SLC26A11: variants seen among roughly 807,000 people sequenced by gnomAD.
The protein encoded by SLC26A11 is sodium-independent sulfate anion transporter.
SLC26A11 carries 58 observed loss-of-function variants against 62.2 expected under a neutral mutation model. The observed-to-expected ratio is 0.93, with a 90% CI of 0.76 to 1.16. The LOEUF is 1.16. Among genes scored for constraint, SLC26A11 ranks in the 50% most tolerant of loss-of-function variants. The pLI, the probability that SLC26A11 is intolerant of heterozygous loss-of-function variation, is 0.00. For missense variants in SLC26A11, 790 were observed against 794.3 expected (o/e 0.99, Z 0.06); for synonymous variants, 411 against 368.9 (o/e 1.11, Z -1.31).
intron 7 of SLC26A11, 151 bp from the exon 8 acceptor site, chr17:80,236,777 T>G: frequency 1.3e-6 from 1 of 781,484 alleles, no homozygotes; most frequent in Non-Finnish European, 2.1e-6. Context: ...TTTATGTCTG[T>G]GTTGTGTTTC....
intron 7 of SLC26A11, among the ~76,000 whole-genome samples, chr17:80,232,576 T>G (rs1401590731): frequency 1.3e-5 from 2 of 152,200 alleles, no homozygotes; most frequent in African/African-American, 4.8e-5. Context: ...TTAATTGATT[T>G]GTGTTCTTGT....
At position 80,241,802 on chromosome 17, in the gene SLC26A11, C is replaced by T; in HGVS notation, c.1017C>T (p.Asn339=). 1 of 1,614,160 alleles carries T rather than the reference C, an allele frequency of 6.2e-7. No individual in the cohort carries two copies. Among genetic ancestry groups the T allele is most frequent in the Non-Finnish European group, 8.5e-7 (1 of 1,180,014 alleles). ...AGAATAATTACCGCATCGATGCCAA[C>T]CAGGAGCTGCTGGCCATCGGTAAGA... The part of the protein sequence containing the change: ...ASQNNYRIDA[N]QELLAIGLTN... The change falls in exon 10 of 18, where the codon AAC becomes AAT. Residue 339 remains asparagine, a synonymous_variant. Coordinates refer to ENST00000361193, the MANE Select transcript of SLC26A11 (RefSeq NM_001166347.2).
At chr17:80,229,493 G>A (rs761085776) in intron 7 of SLC26A11, among the ~76,000 whole-genome samples, 2 of 151,966 alleles carry the variant, frequency 1.3e-5, no homozygotes, top group Admixed American at 1.3e-4. Context: ...GTGCACTGGC[G>A]TGATCTTGGC....
rs1310320368 is a variant in SLC26A11, at chr17:80,221,056, G to A, written c.-73G>A. 6.5e-6 allele frequency: 1 copy of A among 153,236 alleles called. No individual in the cohort carries two copies. Among genetic ancestry groups the A allele is most frequent in the South Asian group, 2.0e-4 (1 of 4,908 alleles). 9.5% of individuals were successfully genotyped at this position (153,236 alleles called of 1,614,324 possible). A position where few individuals can be genotyped will look rare whatever the true frequency, so the allele number is the denominator to read the frequency against. ...TGGAGCCCGCCTTGGTGCGCAGTTG[G>A]AAAACCTCGGAGCCCCGCTGGATCT... On this transcript the variant is annotated 5_prime_UTR_variant, in exon 2 of 18. Transcript: ENST00000361193.
intron 5 of SLC26A11, among the ~76,000 whole-genome samples, chr17:80,225,164 A>AC (rs955820651): frequency 1.3e-5 from 2 of 150,578 alleles, no homozygotes; most frequent in African/African-American, 4.9e-5. Context: ...AGCAAGCAAG[A>AC]CCCCCACCCC....
At position 80,221,634 on chromosome 17, in the gene SLC26A11, G is replaced by T; in HGVS notation, c.74G>T (p.Cys25Phe). The change falls in exon 3 of 18, where the codon TGC becomes TTC. Residue 25 changes from cysteine to phenylalanine, a missense_variant. By Grantham distance (205) the Cys-to-Phe change is radical. Coordinates refer to ENST00000361193, the MANE Select transcript of SLC26A11 (RefSeq NM_001166347.2). ...GGGATGGCCCCGAGCGCCTGCTGCT[G>T]CTCCCCTGCGGCCCTGCAGAGGAGG... ...GPGMAPSACC[C>F]SPAALQRRLP... 6.2e-7 allele frequency: 1 copy of T among 1,611,430 alleles called. No individual in the cohort carries two copies. Among genetic ancestry groups the T allele is most frequent in the Non-Finnish European group, 8.5e-7 (1 of 1,179,850 alleles).
At chr17:80,225,257 G>C (rs953247174) in intron 5 of SLC26A11, among the ~76,000 whole-genome samples, 10 of 152,202 alleles carry the variant, frequency 6.6e-5, no homozygotes, top group African/African-American at 2.4e-4. Context: ...GGACCTCAGA[G>C]CTGGTATCGT....
chr17:80,225,941 C>G (rs761245490), intron 6 of SLC26A11, 25 bp downstream of exon 6: 1 of 1,606,640 alleles, frequency 6.2e-7, no homozygotes, highest in Admixed American at 1.7e-5. Context: ...GTTCCTCCCT[C>G]CTATAAGGAA....
In SLC26A11 at chr17:80,241,815, G is replaced by T; in HGVS notation, c.1030G>T (p.Ala344Ser). Reference protein sequence around the residue: ...YRIDANQELLAIGLTNMLGSL... With the variant: ...YRIDANQELLSIGLTNMLGSL... ...CATCGATGCCAACCAGGAGCTGCTG[G>T]CCATCGGTAAGACCCCAGCCGCGGG... The change falls in exon 10 of 18, where the codon GCC (alanine) becomes TCC (serine). Residue 344 changes from alanine to serine, a missense_variant. By Grantham distance (99) the Ala-to-Ser change is moderately conservative (BLOSUM62 1). Coordinates refer to ENST00000361193, the MANE Select transcript of SLC26A11 (RefSeq NM_001166347.2). 1 of 1,614,158 alleles carries T rather than the reference G, an allele frequency of 6.2e-7. No individual in the cohort carries two copies. The highest frequency in any genetic ancestry group is 8.5e-7 in the Non-Finnish European group (1 of 1,180,030).
intron 2 of SLC26A11, 184 bp from the exon 3 acceptor site, chr17:80,221,364 C>A (rs2042180039): frequency 3.8e-6 from 2 of 527,530 alleles, no homozygotes; most frequent in African/African-American, 2.0e-5. Context: ...ACGGGGTGGG[C>A]CTTCCAGTCT....
At chr17:80,247,954 C>T (rs2043052084) in intron 13 of SLC26A11, among the ~76,000 whole-genome samples, 176 bp from the exon 14 acceptor site, 1 of 152,194 alleles carries the variant, frequency 6.6e-6, no homozygotes, top group Admixed American at 6.5e-5. Flanking sequence ...TTCTTTCTTT[C>T]GACTTGAAGC....
At chr17:80,248,803 G>T in intron 15 of SLC26A11, 129 bp downstream of exon 15, 1 of 981,438 alleles carries the variant, frequency 1.0e-6, no homozygotes, top group Non-Finnish European at 1.5e-6. Flanking sequence ...GCATCTCTGA[G>T]TGGGCTGGAC....
In SLC26A11 at chr17:80,246,342, C is replaced by A; in HGVS notation, c.1153+133C>A. 7.1e-7 allele frequency: 1 copy of A among 1,412,902 alleles called. No homozygotes were observed. The highest frequency in any genetic ancestry group is 1.3e-5 in the South Asian group (1 of 74,670). The allele number at this position is 1,412,902 out of a possible 1,614,324, so 87.5% of individuals were successfully genotyped here. ...CTGCACAGGGACTTGGGGGGCCACA[C>A]AGGAGTAGGGGGACCACAGGAGACT... On this transcript the variant is annotated intron_variant, in intron 12 of 17. Coordinates refer to ENST00000361193, the MANE Select transcript of SLC26A11 (RefSeq NM_001166347.2). The surrounding 1 kb of genome is among the most constrained non-coding windows in gnomAD (Gnocchi z 4.4).
At chr17:80,227,636 T>G (rs2144890108) in intron 6 of SLC26A11, among the ~76,000 whole-genome samples, 182 bp from the exon 7 acceptor site, 1 of 152,322 alleles carries the variant, frequency 6.6e-6, no homozygotes, top group East Asian at 1.9e-4. Context: ...TGTGAAATGG[T>G]GAAAATATTG....
At chr17:80,245,850 C>A (rs1005215070) in intron 11 of SLC26A11, among the ~76,000 whole-genome samples, 8 of 152,238 alleles carry the variant, frequency 5.3e-5, no homozygotes, top group Non-Finnish European at 1.0e-4. Flanking sequence ...CCCAGTCCCC[C>A]AGCTGGTGAC....
intron 7 of SLC26A11, among the ~76,000 whole-genome samples, chr17:80,230,737 T>A (rs1441199875): frequency 6.6e-6 from 1 of 152,184 alleles, no homozygotes; most frequent in Non-Finnish European, 1.5e-5. Context: ...TACAGAAACT[T>A]CAGAAACATT....
At chr17:80,224,591 TGA>T (rs1211758821) in intron 5 of SLC26A11, among the ~76,000 whole-genome samples, 4 of 152,196 alleles carry the variant, frequency 2.6e-5, no homozygotes, top group Non-Finnish European at 4.4e-5. Flanking sequence ...TATTTCCATT[TGA>T]GAGAGGAGGG....
At chr17:80,251,185 G>T (rs1274224411) in intron 16 of SLC26A11, 144 bp from the exon 17 acceptor site, 1 of 1,520,158 alleles carries the variant, frequency 6.6e-7, no homozygotes, top group East Asian at 2.3e-5. Flanking sequence ...TTCCCCTGGG[G>T]CTGCGTTTCT....
chr17:80,227,975 G>T lies in SLC26A11; in HGVS notation c.736+15G>T. ...TGCCACGACAGGTGAGGGGCCTCTG[G>T]CTGACATCTTATGCAACCTTGGCTG... is the stretch of plus-strand genomic sequence containing the variant. On this transcript the variant is annotated intron_variant, in intron 7 of 17. Transcript: ENST00000361193. 1 of 1,597,954 alleles carries T rather than the reference G, an allele frequency of 6.3e-7. No individual in the cohort carries two copies. Among genetic ancestry groups the T allele is most frequent in the South Asian group, 1.1e-5 (1 of 90,902 alleles).
Sources: gnomAD v4.1 joint callset for allele counts (sites outside exome capture counted in the v4.1 genomes callset) on GRCh38, gnomAD v4.1.1 for gene constraint, Gnocchi (gnomAD v3.1) non-coding constraint, MANE v1.5 for transcripts, NCBI Gene and HGNC (gene_info 2026-07-23, HGNC 2026-07-21) for gene names.